KLHL6: variants seen among roughly 807,000 people sequenced by gnomAD.
KLHL6 encodes the protein kelch like family member 6, also known as kelch-like protein 6.
In KLHL6, 41 loss-of-function variants were observed where a neutral mutation model predicts 58.6. The observed-to-expected ratio is 0.70, with a 90% CI of 0.55 to 0.91. KLHL6 has a LOEUF of 0.91. Ranked by LOEUF, KLHL6 falls within the 40% of genes least tolerant of loss-of-function variation. KLHL6 has a pLI of 0.00. For synonymous variants in KLHL6, 338 were observed against 322.7 expected, an observed-to-expected ratio of 1.05 and a Z score of -0.51; for missense variants, 714 against 805.6, an observed-to-expected ratio of 0.89 and a Z score of 1.38.
intron 3 of KLHL6, among the ~76,000 whole-genome samples, chr3:183,501,577 G>A (rs1047043501): frequency 1.3e-5 from 2 of 152,184 alleles, no homozygotes; most frequent in Non-Finnish European, 2.9e-5. Flanking sequence ...TTGAGAGGCT[G>A]CTAGGAGGAC....
Position 183,521,584 on chromosome 3 carries a change from G to A in KLHL6, c.459+6261C>T, listed in dbSNP as rs2108681718. On this transcript the variant is annotated intron_variant, in intron 2 of 6. Coordinates refer to ENST00000341319, the MANE Select transcript of KLHL6 (RefSeq NM_130446.4). ...ACAGGCTACGCACAGGACCACAGGA[G>A]TCAAATCCAGGCTCCCCTCTTACTA... 2 of 152,400 alleles carry A rather than the reference G, an allele frequency of 1.3e-5. 1 individual carries two copies. 9.4% of individuals were successfully genotyped at this position (152,400 alleles called of 1,614,324 possible).
intron 2 of KLHL6, among the ~76,000 whole-genome samples, chr3:183,526,111 C>A (rs1173253583): frequency 6.6e-6 from 1 of 152,108 alleles, no homozygotes; most frequent in Non-Finnish European, 1.5e-5. Flanking sequence ...AGTTCGAGAC[C>A]AGCCTGGCCA....
At chr3:183,519,456 G>A (rs1711670545) in intron 2 of KLHL6, among the ~76,000 whole-genome samples, 1 of 152,086 alleles carries the variant, frequency 6.6e-6, no homozygotes, top group Admixed American at 6.6e-5. Context: ...TCAATGCCCT[G>A]GCACTGTATA....
At chr3:183,533,642 T>G (rs949246365) in intron 1 of KLHL6, among the ~76,000 whole-genome samples, 1 of 152,046 alleles carries the variant, frequency 6.6e-6, no homozygotes. Flanking sequence ...CCCAGAAACA[T>G]TCAAAAGTCA....
chr3:183,554,071 A>T (rs1278653148), intron 1 of KLHL6, among the ~76,000 whole-genome samples: 1 of 152,218 alleles, frequency 6.6e-6, no homozygotes, highest in Non-Finnish European at 1.5e-5. Flanking sequence ...AGAGTTAAGA[A>T]GAATCTCATT....
At chr3:183,531,105 A>T (rs1335010220) in intron 1 of KLHL6, among the ~76,000 whole-genome samples, 3 of 152,068 alleles carry the variant, frequency 2.0e-5, no homozygotes, top group Non-Finnish European at 2.9e-5. Context: ...AAGTACTGGG[A>T]TTACAGGCGT....
intron 1 of KLHL6, among the ~76,000 whole-genome samples, chr3:183,535,405 G>T (rs1712333381): frequency 6.6e-6 from 1 of 152,250 alleles, no homozygotes; most frequent in Admixed American, 6.5e-5. Flanking sequence ...CATCTCAGGA[G>T]GCAAAGCAAA....
chr3:183,517,874 G>T (rs1160055214), intron 2 of KLHL6, among the ~76,000 whole-genome samples: 3 of 152,308 alleles, frequency 2.0e-5, no homozygotes, highest in African/African-American at 4.8e-5. Flanking sequence ...GATGCTCAGG[G>T]TGTGGTTTGT....
chr3:183,542,711 C>T lies in KLHL6; in HGVS notation c.293+12650G>A, dbSNP rs569066006. 5.3e-5 allele frequency among the ~76,000 whole-genome samples: 8 copies of T among 152,310 alleles called. No homozygotes were observed. In the South Asian group the frequency reaches 1.2e-3, roughly 24 times the overall value. On this transcript the variant is annotated intron_variant, in intron 1 of 6. Coordinates refer to ENST00000341319, the MANE Select transcript of KLHL6 (RefSeq NM_130446.4). ...GCATCATAGCACTTATCACCCTGTACAGTAAACATCAATTTACTTATCTCT... is the reference window on the plus strand; with the variant it reads ...GCATCATAGCACTTATCACCCTGTATAGTAAACATCAATTTACTTATCTCT...
chr3:183,553,501 C>T (rs1713005324), intron 1 of KLHL6, among the ~76,000 whole-genome samples: 1 of 152,206 alleles, frequency 6.6e-6, no homozygotes, highest in South Asian at 2.1e-4. Context: ...CCTAAATGTG[C>T]GTCCCCAGGG....
At chr3:183,526,491 C>G (rs1711973922) in intron 2 of KLHL6, among the ~76,000 whole-genome samples, 1 of 152,182 alleles carries the variant, frequency 6.6e-6, no homozygotes, top group South Asian at 2.1e-4. Flanking sequence ...ATTTGGAAGC[C>G]CACAGCAATC....
intron 2 of KLHL6, among the ~76,000 whole-genome samples, chr3:183,508,903 G>A (rs1021427716): frequency 4.6e-5 from 7 of 152,314 alleles, no homozygotes; most frequent in Admixed American, 1.3e-4. Flanking sequence ...AATAGAAAAT[G>A]TTCATAATGT....
At chr3:183,544,754 A>ACACG in intron 1 of KLHL6, 1 of 109,012 alleles carries the variant, frequency 9.2e-6, no homozygotes, top group Non-Finnish European at 1.8e-5. Context: ...TCTCAAACAC[A>ACACG]CACACACACA....
At chr3:183,525,442 G>A (rs1415850577) in intron 2 of KLHL6, among the ~76,000 whole-genome samples, 2 of 152,186 alleles carry the variant, frequency 1.3e-5, no homozygotes, top group Non-Finnish European at 2.9e-5. Context: ...CTGATGGGAA[G>A]ACACGTCCAT....
chr3:183,555,446 C>A lies in KLHL6; in HGVS notation c.208G>T (p.Ala70Ser), dbSNP rs749942087. The A allele has an allele frequency of 1.2e-6, 2 of 1,614,086 alleles. No individual in the cohort carries two copies. The highest frequency in any genetic ancestry group is 1.3e-5 in the African/African-American group (1 of 75,014). ...ACACACAAGATGACATCTGTCAGAG[C>A]GTTTTCCATTCGCAGGGTTTCCAGG... ...NGLETLRMEN[A>S]LTDVILCVDI... Residue 70 changes from alanine (A) to serine (S), a missense_variant, in exon 1 of 7, where the codon GCT (alanine) becomes TCT (serine). By Grantham distance (99) the Ala-to-Ser change is moderately conservative (BLOSUM62 1). Coordinates refer to ENST00000341319, the MANE Select transcript of KLHL6 (RefSeq NM_130446.4).
At chr3:183,517,216 T>C (rs1046020461) in intron 2 of KLHL6, among the ~76,000 whole-genome samples, 9 of 152,212 alleles carry the variant, frequency 5.9e-5, no homozygotes, top group African/African-American at 2.2e-4. Context: ...GCCCAGACAA[T>C]TGTAAATTTT....
intron 1 of KLHL6, among the ~76,000 whole-genome samples, chr3:183,543,720 T>C (rs1712627036): frequency 6.6e-6 from 1 of 152,200 alleles, no homozygotes; most frequent in Non-Finnish European, 1.5e-5. Flanking sequence ...ACACATGATC[T>C]TTTCAATCCA....
At position 183,508,238 on chromosome 3, in the gene KLHL6, G is replaced by A. The variant is rs1177917763; in HGVS notation, c.730C>T (p.Arg244Trp). 14 of 1,614,002 alleles carry A rather than the reference G, an allele frequency of 8.7e-6. No individual in the cohort carries two copies. The highest frequency in any genetic ancestry group is 1.3e-5 in the African/African-American group (1 of 74,904). ...QVFETVMSWV[R>W]HKPSERLCLL... is the part of the protein sequence containing the mutation. The stretch of plus-strand genomic sequence containing the variant: ...CAGAGTCGTTCTGATGGCTTGTGCC[G>A]GACCCAGCTCATCACGGTCTCAAAC... Residue 244 changes from arginine (R) to tryptophan (W), a missense_variant, in exon 3 of 7, where the codon CGG (arginine) becomes TGG (tryptophan). This residue lies in a region of KLHL6 where 510 missense variants were observed against 629.7 expected (regional missense o/e 0.81). Transcript: ENST00000341319.
chr3:183,513,779 G>A (rs762090353), intron 2 of KLHL6, among the ~76,000 whole-genome samples: 3 of 151,916 alleles, frequency 2.0e-5, no homozygotes, highest in Non-Finnish European at 2.9e-5. Context: ...ATAGGTATAC[G>A]TGTGCCATGG....
Sources: gnomAD v4.1 joint callset for allele counts (sites outside exome capture counted in the v4.1 genomes callset) on GRCh38, gnomAD v4.1.1 for gene constraint, gnomAD v4.1.1 regional missense constraint, MANE v1.5 for transcripts, NCBI Gene and HGNC (gene_info 2026-07-23, HGNC 2026-07-21) for gene names.